The following LRRC7 variants were observed in gnomAD, a reference collection of about 807,000 sequenced individuals.
LRRC7 encodes the protein leucine rich repeat containing 7, also known as leucine-rich repeat-containing protein 7.
A neutral mutation model predicts 175.7 loss-of-function variants in LRRC7; 23 were observed. The ratio of observed to expected loss-of-function variants is 0.13; its 90% confidence interval spans 0.09 to 0.19. The LOEUF (loss-of-function observed/expected upper bound fraction) is 0.19, where lower values mean the gene tolerates loss of function less well. LRRC7 is among the 10% of genes least tolerant of loss of function. The pLI is 1.00. For missense variants in LRRC7, 1,354 were observed against 1,904.7 expected, an observed-to-expected ratio of 0.71 and a Z score of 5.38; for synonymous variants, 685 against 680.9, an observed-to-expected ratio of 1.01 and a Z score of -0.09.
intron 2 of LRRC7, among the ~76,000 whole-genome samples, chr1:69,708,990 A>G (rs72938985): frequency 0.016 from 2,451 of 152,236 alleles, 61 homozygotes; most frequent in African/African-American, 0.056. Context: ...GGGATTAAAT[A>G]TTTCTGAAAT....
intron 15 of LRRC7, among the ~76,000 whole-genome samples, chr1:70,019,139 T>A (rs1277212969): frequency 6.6e-6 from 1 of 152,024 alleles, no homozygotes; most frequent in Non-Finnish European, 1.5e-5. Flanking sequence ...CTAATTGAAA[T>A]GAGCTAAGAG....
intron 8 of LRRC7, among the ~76,000 whole-genome samples, chr1:69,945,758 T>C (rs969284711): frequency 2.0e-5 from 3 of 152,156 alleles, no homozygotes; most frequent in African/African-American, 7.2e-5. Flanking sequence ...TATGCTATGA[T>C]AAATGGGATT....
chr1:70,032,015 T>G (rs2102006220), intron 18 of LRRC7, among the ~76,000 whole-genome samples: 1 of 152,258 alleles, frequency 6.6e-6, no homozygotes, highest in Middle Eastern at 3.4e-3. Flanking sequence ...GCCAGGATGG[T>G]CTCGATCTCC....
At chr1:69,971,198 T>C (rs1247492661) in intron 8 of LRRC7, among the ~76,000 whole-genome samples, 1 of 152,118 alleles carries the variant, frequency 6.6e-6, no homozygotes, top group East Asian at 1.9e-4. Context: ...TTGAAAGCAT[T>C]CCCTCTGACA....
intron 7 of LRRC7, among the ~76,000 whole-genome samples, chr1:69,860,490 TG>T (rs1459769278): frequency 3.2e-4 from 49 of 152,118 alleles, no homozygotes; most frequent in African/African-American, 1.2e-3. Context: ...GAAATAACGA[TG>T]AGTGACAGTT....
intron 7 of LRRC7, among the ~76,000 whole-genome samples, chr1:69,927,063 A>T (rs1241036572): frequency 6.6e-6 from 1 of 152,132 alleles, no homozygotes; most frequent in Non-Finnish European, 1.5e-5. Flanking sequence ...TCCTTCACTT[A>T]TGAAGATTAG....
intron 7 of LRRC7, chr1:69,919,416 C>T: frequency 1.2e-6 from 1 of 819,194 alleles, no homozygotes; most frequent in East Asian, 2.8e-5. Flanking sequence ...GCCCCTCAGG[C>T]CGAGGGTACT....
chr1:69,710,717 G>A (rs1352938001), intron 2 of LRRC7, among the ~76,000 whole-genome samples: 2 of 152,008 alleles, frequency 1.3e-5, no homozygotes, highest in Admixed American at 1.3e-4. Context: ...GTACTGAGTG[G>A]CCCTCTTCCG....
chr1:70,115,780 CTGTCATTTAAGAGCCTGATAAAA>C lies in LRRC7; in HGVS notation c.4621-5976_4621-5954del, dbSNP rs367979300. 5.0e-3 allele frequency among the ~76,000 whole-genome samples: 755 copies of C among 152,150 alleles called. 4 individuals carry two copies. The highest frequency in any genetic ancestry group is 0.017 in the African/African-American group (706 of 41,508). The stretch of plus-strand genomic sequence containing the variant: ...ATATAAAACATTTGATAAAATGAAC[CTGTCATTTAAGAGCCTGATAAAA>C]TGTCATTTAAGAGCCTGATAAAACA... On this transcript the variant is annotated intron_variant, in intron 26 of 26. Coordinates refer to ENST00000651989, the MANE Select transcript of LRRC7 (RefSeq NM_001370785.2).
intron 3 of LRRC7, among the ~76,000 whole-genome samples, chr1:69,777,033 C>T (rs902322833): frequency 1.3e-5 from 2 of 152,050 alleles, no homozygotes; most frequent in Non-Finnish European, 2.9e-5. Context: ...TAGCTTTCTA[C>T]CAAGAGCCCT....
At chr1:70,112,411 C>T (rs1247651480) in intron 26 of LRRC7, among the ~76,000 whole-genome samples, 1 of 152,064 alleles carries the variant, frequency 6.6e-6, no homozygotes, top group Non-Finnish European at 1.5e-5. Context: ...TCATTAGAAG[C>T]CCCTTAATAG....
chr1:69,994,513 T>C, intron 10 of LRRC7, 48 bp from the exon 11 acceptor site: 1 of 1,234,840 alleles, frequency 8.1e-7, no homozygotes, highest in Non-Finnish European at 1.2e-6. Flanking sequence ...TCACATTTCC[T>C]GTCATAATCT....
At chr1:69,710,126 A>C (rs896453227) in intron 2 of LRRC7, among the ~76,000 whole-genome samples, 1 of 151,850 alleles carries the variant, frequency 6.6e-6, no homozygotes, top group Non-Finnish European at 1.5e-5. Context: ...AAATACAAAA[A>C]AATTAGCCAG....
intron 8 of LRRC7, among the ~76,000 whole-genome samples, chr1:69,967,718 C>G (rs752669315): frequency 6.6e-6 from 1 of 152,128 alleles, no homozygotes; most frequent in Admixed American, 6.5e-5. Flanking sequence ...TCCTACAGCT[C>G]AGCTCTCAGG....
At chr1:69,571,065 A>G (rs1645720267) in intron 1 of LRRC7, among the ~76,000 whole-genome samples, 1 of 152,228 alleles carries the variant, frequency 6.6e-6, no homozygotes, top group Admixed American at 6.5e-5. Context: ...GCATTGCATC[A>G]TACTAATATG....
At chr1:69,738,927 T>C (rs1309279802) in intron 2 of LRRC7, among the ~76,000 whole-genome samples, 1 of 152,020 alleles carries the variant, frequency 6.6e-6, no homozygotes, top group Non-Finnish European at 1.5e-5. Flanking sequence ...TAGAAAAAGA[T>C]GGCCAAGTGA....
At chr1:69,701,741 G>A (rs1663381842) in intron 2 of LRRC7, among the ~76,000 whole-genome samples, 1 of 152,120 alleles carries the variant, frequency 6.6e-6, no homozygotes, top group South Asian at 2.1e-4. Context: ...AGCCTCTTTG[G>A]AAGATTCTCT....
At chr1:69,581,224 T>A (rs1646188604) in intron 1 of LRRC7, among the ~76,000 whole-genome samples, 1 of 152,212 alleles carries the variant, frequency 6.6e-6, no homozygotes, top group Non-Finnish European at 1.5e-5. Context: ...TTTTAAATGA[T>A]TACTTGGGCT....
chr1:69,591,278 A>G (rs901689477), intron 1 of LRRC7, among the ~76,000 whole-genome samples: 2 of 152,122 alleles, frequency 1.3e-5, no homozygotes, highest in African/African-American at 4.8e-5. Flanking sequence ...ATGTTCAGTT[A>G]CTGTGGAAGA....
Sources: gnomAD v4.1 joint callset for allele counts (sites outside exome capture counted in the v4.1 genomes callset) on GRCh38, gnomAD v4.1.1 for gene constraint, MANE v1.5 for transcripts, NCBI Gene and HGNC (gene_info 2026-07-23, HGNC 2026-07-21) for gene names.